CACNA1D: variants seen among roughly 807,000 people sequenced by gnomAD.
CACNA1D encodes the protein voltage-dependent L-type calcium channel subunit alpha-1D.
CACNA1D carries 55 observed loss-of-function variants against 257.1 expected under a neutral mutation model. The ratio of observed to expected loss-of-function variants is 0.21; its 90% CI spans 0.17 to 0.27. The LOEUF (loss-of-function observed/expected upper bound fraction) is 0.27, where lower values mean the gene tolerates loss of function less well. Ranked by LOEUF, CACNA1D falls within the 10% of genes least tolerant of loss-of-function variation. The probability of loss-of-function intolerance (pLI) is 1.00; values close to 1 mark genes in which losing one functional copy is unlikely to be tolerated. For synonymous variants in CACNA1D, 980 were observed against 1,014.9 expected, an observed-to-expected ratio of 0.97 and a Z score of 0.65; for missense variants, 1,876 against 2,784.0, an observed-to-expected ratio of 0.67 and a Z score of 7.34.
At chr3:53,498,272 T>A (rs986442112) in intron 2 of CACNA1D, among the ~76,000 whole-genome samples, 3 of 152,176 alleles carry the variant, frequency 2.0e-5, no homozygotes, top group African/African-American at 7.2e-5. Context: ...GGAGGTACAT[T>A]TCTGGGTGTC....
chr3:53,631,501 A>G (rs1217614626), intron 3 of CACNA1D, among the ~76,000 whole-genome samples: 1 of 152,218 alleles, frequency 6.6e-6, no homozygotes, highest in African/African-American at 2.4e-5. Flanking sequence ...TGAACCCCTC[A>G]AAGTCATCCA....
chr3:53,704,872 C>T (rs948448991), intron 9 of CACNA1D, among the ~76,000 whole-genome samples: 12 of 152,232 alleles, frequency 7.9e-5, no homozygotes, highest in Non-Finnish European at 1.8e-4. Flanking sequence ...ATTTCTCCTC[C>T]TCTAGAAGTA....
chr3:53,625,392 C>T (rs1439620843), intron 3 of CACNA1D, among the ~76,000 whole-genome samples: 1 of 152,142 alleles, frequency 6.6e-6, no homozygotes, highest in East Asian at 1.9e-4. Flanking sequence ...AGATATGTCG[C>T]GTTCTGACTT....
At chr3:53,526,996 A>G (rs867230724) in intron 3 of CACNA1D, among the ~76,000 whole-genome samples, 1 of 152,236 alleles carries the variant, frequency 6.6e-6, no homozygotes, top group Non-Finnish European at 1.5e-5. Flanking sequence ...TGAGAACTGC[A>G]TCTTCATTGA....
chr3:53,744,729 T>C lies in CACNA1D; in HGVS notation c.2919-11T>C. On this transcript the variant is annotated splice_polypyrimidine_tract_variant and intron_variant, in intron 22 of 47. Transcript: ENST00000350061. ...CACGCTCTGCCTGCCGTCTTTCTGCTCCTTCCCTAGATCCAGTGCCATCTC... is the reference window on the plus strand; with the variant it reads ...CACGCTCTGCCTGCCGTCTTTCTGCCCCTTCCCTAGATCCAGTGCCATCTC... 14 of 1,534,048 alleles carry C rather than the reference T, an allele frequency of 9.1e-6. No individual in the cohort carries two copies. Among genetic ancestry groups the C allele is most frequent in the Admixed American group, 1.7e-5 (1 of 59,924 alleles).
In CACNA1D at chr3:53,702,713, G is replaced by C. The variant is rs200177517; in HGVS notation, c.1293G>C (p.Leu431=). The change falls in exon 9 of 48, where the codon CTG becomes CTC. Residue 431 remains leucine (L), a synonymous_variant. Coordinates refer to ENST00000350061, the MANE Select transcript of CACNA1D (RefSeq NM_001128840.3). ...DFQKLREKQQ[L]EEDLKGYLDW... ...AGAAGCTCCGGGAGAAGCAGCAGCT[G>C]GAGGAGGATCTAAAGGGCTACTTGG... is the stretch of plus-strand genomic sequence containing the variant. The C allele has an allele frequency of 6.2e-7, 1 of 1,614,236 alleles. No homozygotes were observed. The highest frequency in any genetic ancestry group is 8.5e-7 in the Non-Finnish European group (1 of 1,180,040).
intron 3 of CACNA1D, among the ~76,000 whole-genome samples, chr3:53,580,457 C>G (rs709323): frequency 6.6e-6 from 1 of 152,122 alleles, no homozygotes; most frequent in Non-Finnish European, 1.5e-5. Context: ...CATCTCCCAT[C>G]GTACCAAGTA....
intron 4 of CACNA1D, 122 bp from the exon 5 acceptor site, chr3:53,660,011 C>G (rs1032829944): frequency 2.5e-6 from 2 of 803,620 alleles, no homozygotes; most frequent in Non-Finnish European, 4.0e-6. Context: ...TCTTTGTCTT[C>G]CTTTTATTTA....
At chr3:53,607,903 A>G (rs773633838) in intron 3 of CACNA1D, among the ~76,000 whole-genome samples, 1 of 152,194 alleles carries the variant, frequency 6.6e-6, no homozygotes, top group South Asian at 2.1e-4. Context: ...TCATACACCA[A>G]TCCCACTATG....
chr3:53,564,754 T>C (rs1275830378), intron 3 of CACNA1D, among the ~76,000 whole-genome samples: 1 of 152,180 alleles, frequency 6.6e-6, no homozygotes, highest in African/African-American at 2.4e-5. Context: ...GCTATTTCCA[T>C]TTTATAGGTA....
chr3:53,605,104 A>G (rs2093491926), intron 3 of CACNA1D, among the ~76,000 whole-genome samples: 1 of 152,196 alleles, frequency 6.6e-6, no homozygotes, highest in African/African-American at 2.4e-5. Flanking sequence ...TAAATTCAAT[A>G]GGTTATTCAG....
At chr3:53,677,865 T>G (rs956828928) in intron 8 of CACNA1D, among the ~76,000 whole-genome samples, 4 of 152,234 alleles carry the variant, frequency 2.6e-5, no homozygotes, top group African/African-American at 9.6e-5. Context: ...TTGGGGCAAG[T>G]TACTTACCTC....
chr3:53,731,014 T>G, intron 16 of CACNA1D, 63 bp from the exon 17 acceptor site: 1 of 993,782 alleles, frequency 1.0e-6, no homozygotes, highest in South Asian at 1.3e-5. Flanking sequence ...GAATCCTGAT[T>G]AGCATTTTTA....
intron 3 of CACNA1D, among the ~76,000 whole-genome samples, chr3:53,553,536 T>TAC (rs1286680969): frequency 6.6e-6 from 1 of 152,156 alleles, no homozygotes; most frequent in African/African-American, 2.4e-5. Flanking sequence ...TGTATGGGTA[T>TAC]GTGTGTGTGT....
chr3:53,501,071 A>T (rs17788344), intron 2 of CACNA1D, among the ~76,000 whole-genome samples: 36,460 of 152,148 alleles, frequency 0.24, 5,431 homozygotes, highest in Admixed American at 0.36. Context: ...GGAATATGCC[A>T]TGAGAAAGTT....
At chr3:53,581,682 G>A (rs1357975197) in intron 3 of CACNA1D, among the ~76,000 whole-genome samples, 1 of 152,170 alleles carries the variant, frequency 6.6e-6, no homozygotes, top group African/African-American at 2.4e-5. Context: ...TGAAGTGCAG[G>A]AGAATGAAGG....
intron 3 of CACNA1D, among the ~76,000 whole-genome samples, chr3:53,537,277 A>C (rs2092142045): frequency 6.6e-6 from 1 of 152,184 alleles, no homozygotes; most frequent in South Asian, 2.1e-4. Flanking sequence ...TACTATGAAA[A>C]AAATTCAAAT....
rs752279912 is a variant in CACNA1D at position 53,718,343 on chromosome 3, A to C, written c.1433A>C (p.Asn478Thr). 1 of 1,614,212 alleles carries C rather than the reference A, an allele frequency of 6.2e-7. No individual in the cohort carries two copies. The highest frequency in any genetic ancestry group is 1.1e-5 in the South Asian group (1 of 91,084). Residue 478 changes from asparagine (N) to threonine (T), a missense_variant, in exon 10 of 48, where the codon AAC becomes ACC. By Grantham distance (65) the Asn-to-Thr change is moderately conservative. Transcript: ENST00000350061. ...TSETESVNTE[N>T]VSGEGENRGC... ...GAGACTGAGTCTGTGAACACAGAGA[A>C]CGTCAGCGGTGAAGGCGAGAACCGA...
At chr3:53,512,095 G>C (rs982141854) in intron 3 of CACNA1D, among the ~76,000 whole-genome samples, 2 of 152,156 alleles carry the variant, frequency 1.3e-5, no homozygotes, top group African/African-American at 4.8e-5. Context: ...TCAGTAATTA[G>C]CCCCTTGGTC....
Sources: gnomAD v4.1 joint callset for allele counts (sites outside exome capture counted in the v4.1 genomes callset) on GRCh38, gnomAD v4.1.1 for gene constraint, MANE v1.5 for transcripts, NCBI Gene and HGNC (gene_info 2026-07-23, HGNC 2026-07-21) for gene names.